LRRC40: variants seen among roughly 807,000 people sequenced by gnomAD.
LRRC40 encodes the protein leucine rich repeat containing 40.
Under a neutral mutation model 72.8 loss-of-function variants are expected in LRRC40, and 76 were observed. The observed-to-expected ratio is 1.04, with a 90% confidence interval of 0.87 to 1.26. The LOEUF is 1.26. LRRC40 is among the 50% of genes most tolerant of loss of function. The pLI is 0.00. For synonymous variants in LRRC40, 243 were observed against 254.2 expected, an observed-to-expected ratio of 0.96 and a Z score of 0.42; for missense variants, 684 against 698.9, an observed-to-expected ratio of 0.98 and a Z score of 0.24.
chr1:70,164,333 T>G (rs532248952), intron 9 of LRRC40, among the ~76,000 whole-genome samples: 2 of 152,024 alleles, frequency 1.3e-5, no homozygotes, highest in Admixed American at 1.3e-4. Context: ...AAGGTTGCAG[T>G]GAGCCGAGAT....
rs1668325708 is a variant in LRRC40 at position 70,184,831 on chromosome 1, G to A, written c.491C>T (p.Thr164Ile). 5 of 1,611,774 alleles carry A rather than the reference G, an allele frequency of 3.1e-6. No homozygotes were observed. Among genetic ancestry groups the A allele is most frequent in the South Asian group, 1.1e-5 (1 of 90,764 alleles). Residue 164 changes from threonine (T) to isoleucine (I), a missense_variant, in exon 4 of 15, where the codon ACC (threonine) becomes ATC (isoleucine). Coordinates refer to ENST00000370952, the MANE Select transcript of LRRC40 (RefSeq NM_017768.5). ...TTGTTCAAATCCCTCTGATATGCAGGTTAATTCATTATGCTGGAGATACAG... is the reference window on the plus strand; with the variant it reads ...TTGTTCAAATCCCTCTGATATGCAGATTAATTCATTATGCTGGAGATACAG... ...KCLYLQHNEL[T>I]CISEGFEQLS...
intron 2 of LRRC40, 81 bp from the exon 3 acceptor site, chr1:70,187,419 TTA>T (rs1668384791): frequency 1.4e-6 from 1 of 695,710 alleles, no homozygotes; most frequent in Admixed American, 2.6e-5. Flanking sequence ...TACAAAACTA[TTA>T]GTCAGTAATC....
intron 4 of LRRC40, among the ~76,000 whole-genome samples, chr1:70,181,437 A>G (rs1023098704): frequency 2.2e-4 from 34 of 152,090 alleles, no homozygotes; most frequent in Admixed American, 3.9e-4. Context: ...ATGGTAGTAG[A>G]CAGGATATAA....
rs115113232 is a variant in LRRC40, at chr1:70,168,895, C to T, written c.1111+4570G>A. On this transcript the variant is annotated intron_variant, in intron 9 of 14. Transcript: ENST00000370952. The stretch of plus-strand genomic sequence containing the variant: ...ATGAAAATGACACAACATACCAAAA[C>T]GTATGAGCTGTAGATAAAGCCATGC... 1.7e-3 allele frequency among the ~76,000 whole-genome samples: 257 copies of T among 152,214 alleles called. 1 individual carries two copies. Among genetic ancestry groups the T allele is most frequent in the African/African-American group, 5.6e-3 (234 of 41,540 alleles).
In LRRC40 at chr1:70,187,296, C is replaced by A; in HGVS notation, c.376G>T (p.Glu126Ter). Residue 126 changes from glutamate to a stop codon, truncating the protein, a stop_gained, in exon 3 of 15, where the codon GAG becomes TAG. Coordinates refer to ENST00000370952, the MANE Select transcript of LRRC40 (RefSeq NM_017768.5). LOFTEE classifies it high-confidence loss of function. ...QLTSLPSAIR[E>*]LENLQKLNVS... ...TTAAGTTTCTGAAGATTTTCTAGCTCTCTTATAGCAGAAGGAAGGGATGTC... is the reference window on the plus strand; with the variant it reads ...TTAAGTTTCTGAAGATTTTCTAGCTATCTTATAGCAGAAGGAAGGGATGTC... 6.3e-7 allele frequency: 1 copy of A among 1,587,990 alleles called. No homozygotes were observed. The highest frequency in any genetic ancestry group is 1.1e-5 in the South Asian group (1 of 89,084).
At chr1:70,149,597 G>C (rs964317447) in intron 13 of LRRC40, among the ~76,000 whole-genome samples, 3 of 152,160 alleles carry the variant, frequency 2.0e-5, no homozygotes, top group Admixed American at 2.0e-4. Context: ...GCAATTGTTA[G>C]CTCAATTGAC....
At chr1:70,165,195 AG>A (rs1219827223) in intron 9 of LRRC40, among the ~76,000 whole-genome samples, 1 of 152,246 alleles carries the variant, frequency 6.6e-6, no homozygotes, top group East Asian at 1.9e-4. Context: ...ACAATTTCAG[AG>A]TTATATTTGT....
chr1:70,193,570 C>A (rs2100340401), intron 1 of LRRC40, among the ~76,000 whole-genome samples: 1 of 152,124 alleles, frequency 6.6e-6, no homozygotes, highest in Middle Eastern at 3.4e-3. Context: ...TAAACTCTTT[C>A]AAAACATAGA....
intron 2 of LRRC40, among the ~76,000 whole-genome samples, chr1:70,188,653 T>C (rs1668422262): frequency 6.6e-6 from 1 of 152,096 alleles, no homozygotes; most frequent in African/African-American, 2.4e-5. Context: ...GGAGAATTGC[T>C]GGAGTCCATA....
At chr1:70,192,696 T>C (rs1328406748) in intron 1 of LRRC40, among the ~76,000 whole-genome samples, 3 of 152,148 alleles carry the variant, frequency 2.0e-5, no homozygotes, top group African/African-American at 7.2e-5. Context: ...CTATTATCCT[T>C]AGCAAACTAA....
At chr1:70,190,633 C>T (rs986483312) in intron 1 of LRRC40, among the ~76,000 whole-genome samples, 7 of 122,246 alleles carry the variant, frequency 5.7e-5, no homozygotes, top group African/African-American at 9.9e-5. Context: ...ACTGTGATCA[C>T]GTCATAGAAC....
Position 70,161,539 on chromosome 1 carries a change from G to A in LRRC40, c.1112-2101C>T, listed in dbSNP as rs190071780. 3.3e-3 allele frequency among the ~76,000 whole-genome samples: 475 copies of A among 145,362 alleles called. 2 individuals are homozygous for A. Among genetic ancestry groups the A allele is most frequent in the African/African-American group, 0.011 (426 of 39,206 alleles). ...ACTCCAGCCTGGGCGACAGAGCAAGGCTCCCTCTCAAAAAAAAAAAAAAAG... is the reference window on the plus strand; with the variant it reads ...ACTCCAGCCTGGGCGACAGAGCAAGACTCCCTCTCAAAAAAAAAAAAAAAG... On this transcript the variant is annotated intron_variant, in intron 9 of 14. Transcript: ENST00000370952.
At chr1:70,195,097 G>A (rs1237298664) in intron 1 of LRRC40, among the ~76,000 whole-genome samples, 1 of 151,968 alleles carries the variant, frequency 6.6e-6, no homozygotes, top group Non-Finnish European at 1.5e-5. Context: ...TGTAAATGAT[G>A]AAACTAAAAA....
rs74088005 is a variant in LRRC40, at chr1:70,189,782, T to C, written c.152-509A>G. 9.0e-3 allele frequency among the ~76,000 whole-genome samples: 1,375 copies of C among 152,378 alleles called. 18 individuals carry two copies. Among genetic ancestry groups the C allele is most frequent in the African/African-American group, 0.029 (1,211 of 41,586 alleles). ...TTGGAACAATTCTGCAAAGTAGGTG[T>C]TATTATTCCCATTGGATGGATGAGA... is the stretch of plus-strand genomic sequence containing the variant. On this transcript the variant is annotated intron_variant, in intron 1 of 14. Coordinates refer to ENST00000370952, the MANE Select transcript of LRRC40 (RefSeq NM_017768.5).
chr1:70,147,304 T>C (rs1667331533), intron 14 of LRRC40: 1 of 152,224 alleles, frequency 6.6e-6, no homozygotes, highest in Admixed American at 6.5e-5. Flanking sequence ...TTCATACCTT[T>C]GTTGGTGATT....
At chr1:70,170,640 A>C (rs973142965) in intron 9 of LRRC40, among the ~76,000 whole-genome samples, 3 of 152,180 alleles carry the variant, frequency 2.0e-5, no homozygotes, top group Non-Finnish European at 4.4e-5. Flanking sequence ...AATAGCATCA[A>C]AAGGAATAAA....
At chr1:70,151,411 A>G (rs1055620678) in intron 12 of LRRC40, among the ~76,000 whole-genome samples, 4 of 152,166 alleles carry the variant, frequency 2.6e-5, no homozygotes, top group Admixed American at 6.5e-5. Context: ...TAATAATACC[A>G]ATATGCAACC....
chr1:70,167,557 C>A (rs762889016), intron 9 of LRRC40, among the ~76,000 whole-genome samples: 1 of 152,026 alleles, frequency 6.6e-6, no homozygotes, highest in Non-Finnish European at 1.5e-5. Context: ...GAGACTCTGT[C>A]TGAAAACAAA....
In LRRC40 at chr1:70,151,181, T is replaced by C; in HGVS notation, c.1464A>G (p.Pro488=). The C allele has an allele frequency of 6.3e-7, 1 of 1,588,354 alleles. No homozygotes were observed. The highest frequency in any genetic ancestry group is 1.3e-5 in the African/African-American group (1 of 74,470). The part of the protein sequence containing the change: ...DLRNNFLNSL[P]EEMESLVRLQ... ...GTCTTACCAGTGATTCCATTTCTTCTGGCAAAGAATTTAAAAAATTGTTCC... is the reference window on the plus strand; with the variant it reads ...GTCTTACCAGTGATTCCATTTCTTCCGGCAAAGAATTTAAAAAATTGTTCC... The change falls in exon 13 of 15, where the codon CCA becomes CCG. Residue 488 remains proline (P), a synonymous_variant. Transcript: ENST00000370952.
Sources: gnomAD v4.1 joint callset for allele counts (sites outside exome capture counted in the v4.1 genomes callset) on GRCh38, gnomAD v4.1.1 for gene constraint, MANE v1.5 for transcripts, NCBI Gene and HGNC (gene_info 2026-07-23, HGNC 2026-07-21) for gene names.